TTN: variants seen among roughly 807,000 people sequenced by gnomAD.
TTN encodes the protein titin, also known as connectin.
A neutral mutation model predicts 3,223.0 loss-of-function variants in TTN; 1,525 were observed. The ratio of observed to expected loss-of-function variants is 0.47; its 90% CI spans 0.45 to 0.49. The LOEUF (loss-of-function observed/expected upper bound fraction) is 0.49, where lower values mean the gene tolerates loss of function less well. TTN is among the 20% of genes least tolerant of loss of function. The pLI is 0.00. For synonymous variants in TTN, 14,094 were observed against 15,161.0 expected (o/e 0.93, Z 5.17); for missense variants, 40,786 against 43,424.0 (o/e 0.94, Z 5.40).
In TTN at chr2:178,597,715, T is replaced by C. The variant is rs587782985; in HGVS notation, c.57367A>G (p.Thr19123Ala). The change falls in exon 294 of 363, where the codon ACC (threonine) becomes GCC (alanine). Residue 19123 changes from threonine to alanine, a missense_variant. By Grantham distance (58) the Thr-to-Ala change is moderately conservative. Coordinates refer to ENST00000589042, the MANE Select transcript of TTN (RefSeq NM_001267550.2). The stretch of plus-strand genomic sequence containing the variant: ...CTTTCATTCATGTTCCAGGTGACGG[T>C]TGGAGGAGGCTTTCCAGACACATAG... ...IAYVSGKPPP[T>A]VTWNMNERTL... 1.9e-5 allele frequency: 31 copies of C among 1,613,224 alleles called. 2 individuals are homozygous for C. Among genetic ancestry groups the C allele is most frequent in the Middle Eastern group, 1.6e-4 (1 of 6,080 alleles).
Position 178,733,254 on chromosome 2 carries a change from T to C in TTN, c.16039A>G (p.Thr5347Ala). ...AAATACTAACCTAATACAGTGAATGTAGTCTCACAGGAGCTGCTGCCCACT... is the reference window on the plus strand; with the variant it reads ...AAATACTAACCTAATACAGTGAATGCAGTCTCACAGGAGCTGCTGCCCACT... ...NEVGSSSCET[T>A]FTVLDRDIAP... Residue 5347 changes from threonine to alanine, a missense_variant, in exon 54 of 363, where the codon ACA becomes GCA. Transcript: ENST00000589042. The C allele has an allele frequency of 4.4e-6, 7 of 1,602,708 alleles. No individual in the cohort carries two copies. Among genetic ancestry groups the C allele is most frequent in the Non-Finnish European group, 6.0e-6 (7 of 1,173,974 alleles).
At chr2:178,714,690 C>A (rs1260206362) in intron 90 of TTN, 117 bp from the exon 91 acceptor site, 6 of 1,226,880 alleles carry the variant, frequency 4.9e-6, no homozygotes, top group African/African-American at 3.1e-5. Context: ...ATTTAAGAGG[C>A]ATTTTTGGTG....
chr2:178,802,366 TTA>T lies in TTN; in HGVS notation c.92-27_92-26del, dbSNP rs1166780931. ...CCTGAAGAGCAAGAACAATTCACCT[TTA>T]TGTTTGAATGGGCACCACAAAGTCC... On this transcript the variant is annotated intron_variant, in intron 2 of 362. Transcript: ENST00000589042. The T allele has an allele frequency of 3.7e-6, 6 of 1,604,516 alleles. No individual in the cohort carries two copies. The South Asian group carries it at 4.4e-5, about 12-fold the overall frequency.
chr2:178,542,790 A>C lies in TTN; in HGVS notation c.97064T>G (p.Val32355Gly). 1 of 1,613,780 alleles carries C rather than the reference A, an allele frequency of 6.2e-7. No homozygotes were observed. The highest frequency in any genetic ancestry group is 8.5e-7 in the Non-Finnish European group (1 of 1,179,774). The change falls in exon 348 of 363, where the codon GTT becomes GGT. Residue 32355 changes from valine (V) to glycine (G), a missense_variant. By Grantham distance (109) the Val-to-Gly change is moderately radical. Coordinates refer to ENST00000589042, the MANE Select transcript of TTN (RefSeq NM_001267550.2). Reference sequence around the variant, plus strand: ...TTTAGCTACTTTAGTGTGAGTTTCAACTGTGACACGCTCTGATTCTCTCAG... The same window carrying C: ...TTTAGCTACTTTAGTGTGAGTTTCACCTGTGACACGCTCTGATTCTCTCAG... The part of the protein sequence containing the change: ...SKLRESERVT[V>G]ETHTKVAKLT...
chr2:178,581,390 C>T, intron 316 of TTN, 109 bp downstream of exon 316: 1 of 900,688 alleles, frequency 1.1e-6, no homozygotes, highest in Non-Finnish European at 1.6e-6. Flanking sequence ...CTTGGAGTTA[C>T]CAGCTCTACA....
Position 178,608,358 on chromosome 2 carries a change from G to A in TTN, c.52525C>T (p.Arg17509Cys), listed in dbSNP as rs748170111. Residue 17509 changes from arginine to cysteine, a missense_variant, in exon 275 of 363, where the codon CGT becomes TGT. By Grantham distance (180) the Arg-to-Cys change is radical. Coordinates refer to ENST00000589042, the MANE Select transcript of TTN (RefSeq NM_001267550.2). ...GACCAATGTGTACTGTTAACTTCAC[G>A]TTTTTCAAGCCAGTAACCCAAAATG... The part of the protein sequence containing the change: ...SPILGYWLEK[R>C]EVNSTHWSRV... 5.0e-6 allele frequency: 8 copies of A among 1,611,628 alleles called. No homozygotes were observed. Among genetic ancestry groups the A allele is most frequent in the South Asian group, 3.3e-5 (3 of 90,900 alleles).
In TTN at chr2:178,598,852, A is replaced by G. The variant is rs749931527; in HGVS notation, c.56858T>C (p.Leu18953Pro). Residue 18953 changes from leucine (L) to proline (P), a missense_variant, in exon 291 of 363, where the codon CTT becomes CCT. Coordinates refer to ENST00000589042, the MANE Select transcript of TTN (RefSeq NM_001267550.2). ...GAATTGATAGTCGGAACCTTCAATA[A>G]GACCAGTCACTTTATAAGAAACACC... ...TLGVSYKVTG[L>P]IEGSDYQFRV... 1.2e-6 allele frequency: 2 copies of G among 1,613,356 alleles called. No individual in the cohort carries two copies. The highest frequency in any genetic ancestry group is 2.2e-5 in the East Asian group (1 of 44,762).
At position 178,774,359 on chromosome 2, in the gene TTN, T is replaced by A; in HGVS notation, c.6905A>T (p.Asn2302Ile). The change falls in exon 30 of 363, where the codon AAT (asparagine) becomes ATT (isoleucine). Residue 2302 changes from asparagine to isoleucine, a missense_variant. Physicochemically the swap from Asn to Ile is moderately radical, Grantham distance 149. Coordinates refer to ENST00000589042, the MANE Select transcript of TTN (RefSeq NM_001267550.2). ...PENIEGKWYH[N>I]DVELKSNGKY... Reference sequence around the variant, plus strand: ...GCCATTGGATTTAAGCTCCACATCATTATGATACCATTTTCCTTCTATATT... The same window carrying A: ...GCCATTGGATTTAAGCTCCACATCAATATGATACCATTTTCCTTCTATATT... 1 of 1,614,118 alleles carries A rather than the reference T, an allele frequency of 6.2e-7. No individual in the cohort carries two copies. Among genetic ancestry groups the A allele is most frequent in the Non-Finnish European group, 8.5e-7 (1 of 1,179,960 alleles).
chr2:178,712,175 C>T lies in TTN; in HGVS notation c.27655G>A (p.Gly9219Arg). 6.2e-7 allele frequency: 1 copy of T among 1,613,720 alleles called. No homozygotes were observed. The highest frequency in any genetic ancestry group is 8.5e-7 in the Non-Finnish European group (1 of 1,179,760). Residue 9219 changes from glycine (G) to arginine (R), a missense_variant, in exon 96 of 363, where the codon GGA (glycine) becomes AGA (arginine). Coordinates refer to ENST00000589042, the MANE Select transcript of TTN (RefSeq NM_001267550.2). Reference protein sequence around the residue: ...KQLEPVKVSVGDSASLQCQLA... With the variant: ...KQLEPVKVSVRDSASLQCQLA... ...TGGCATTGTAGAGAGGCAGAATCTC[C>T]AACAGACACCTTAACCGGCTCCAAC...
At position 178,537,346 on chromosome 2, in the gene TTN, T is replaced by C. The variant is rs758948672; in HGVS notation, c.99861A>G (p.Ile33287Met). The C allele has an allele frequency of 1.9e-6, 3 of 1,544,350 alleles. No homozygotes were observed. The highest frequency in any genetic ancestry group is 2.6e-6 in the Non-Finnish European group (3 of 1,148,434). ...GTVDAILDVE[I>M]QDKPDKPTGP... ...CTGAAAATAAAAATAAAATACCTTG[T>C]ATTTCCACATCAAGGATGGCATCAA... The change falls in exon 355 of 363, where the codon ATA becomes ATG. Residue 33287 changes from isoleucine (I) to methionine (M), a missense_variant. Physicochemically the swap from Ile to Met is conservative, Grantham distance 10. Transcript: ENST00000589042.
At chr2:178,796,026 GTAAA>G (rs1387664714) in intron 6 of TTN, among the ~76,000 whole-genome samples, 2 of 152,156 alleles carry the variant, frequency 1.3e-5, no homozygotes, top group African/African-American at 4.8e-5. Context: ...TGATTTTTGG[GTAAA>G]TTGATAAAGT....
In TTN at chr2:178,533,249, G is replaced by A. The variant is rs1203217522; in HGVS notation, c.103366C>T (p.Leu34456=). 1 of 1,613,946 alleles carries A rather than the reference G, an allele frequency of 6.2e-7. No individual in the cohort carries two copies. Among genetic ancestry groups the A allele is most frequent in the Admixed American group, 1.7e-5 (1 of 60,020 alleles). ...SCQAHLQVER[L]RYKKQEFKSK... is the part of the protein sequence containing the mutation. ...TTGAATTCCTGTTTCTTGTACCTCAGGCGTTCCACTTGTAGGTGAGCCTGG... is the reference window on the plus strand; with the variant it reads ...TTGAATTCCTGTTTCTTGTACCTCAAGCGTTCCACTTGTAGGTGAGCCTGG... The change falls in exon 358 of 363, where the codon CTG becomes TTG. Residue 34456 remains leucine, a synonymous_variant. Coordinates refer to ENST00000589042, the MANE Select transcript of TTN (RefSeq NM_001267550.2).
In TTN at chr2:178,804,543, T is replaced by C. The variant is rs2154360980; in HGVS notation, c.91+9A>G. The C allele has an allele frequency of 1.2e-6, 2 of 1,604,904 alleles. No homozygotes were observed. The highest frequency in any genetic ancestry group is 1.1e-5 in the South Asian group (1 of 90,728). On this transcript the variant is annotated intron_variant, in intron 2 of 362. Coordinates refer to ENST00000589042, the MANE Select transcript of TTN (RefSeq NM_001267550.2). ...AAAAAAAAACAAAAGTGTGAATGTG[T>C]GAGCTTACCACTAATGTGAGCCTCA...
chr2:178,684,308 C>T, intron 132 of TTN, 22 bp downstream of exon 132: 1 of 1,610,778 alleles, frequency 6.2e-7, no homozygotes, highest in Non-Finnish European at 8.5e-7. Context: ...CAATATTGTG[C>T]ATAATGGAAG....
In TTN at chr2:178,618,720, T is replaced by C; in HGVS notation, c.46830A>G (p.Thr15610=). Residue 15610 remains threonine (T), a synonymous_variant, in exon 251 of 363, where the codon ACA becomes ACG. Transcript: ENST00000589042. ...GTTCAGCCGTAGTATCAATGGTTTT[T>C]GTAGATAAAGGTTCATTTTCTTTAA... is the stretch of plus-strand genomic sequence containing the variant. ...EWFKENEPLS[T]KTIDTTAEQT... is the part of the protein sequence containing the mutation. 1 of 1,612,080 alleles carries C rather than the reference T, an allele frequency of 6.2e-7. No homozygotes were observed. The highest frequency in any genetic ancestry group is 8.5e-7 in the Non-Finnish European group (1 of 1,178,894).
chr2:178,741,741 A>G lies in TTN; in HGVS notation c.11492T>C (p.Ile3831Thr). 1 of 1,613,666 alleles carries G rather than the reference A, an allele frequency of 6.2e-7. No homozygotes were observed. The highest frequency in any genetic ancestry group is 8.5e-7 in the Non-Finnish European group (1 of 1,179,736). ...CAGTGTAGCCACATCCCCCATGCTT[A>G]TATCAGCATTTGACACTTCTTTGAT... Reference protein sequence around the residue: ...IFIKEVSNADISMGDVATLSV... With the variant: ...IFIKEVSNADTSMGDVATLSV... Residue 3831 changes from isoleucine (I) to threonine (T), a missense_variant, in exon 48 of 363, where the codon ATA (isoleucine) becomes ACA (threonine). Physicochemically the swap from Ile to Thr is moderately conservative, Grantham distance 89 (BLOSUM62 -1). Transcript: ENST00000589042.
intron 47 of TTN, chr2:178,750,150 A>G (rs1413586460): frequency 6.2e-7 from 1 of 1,613,114 alleles, no homozygotes. Context: ...TTAGTTTTTA[A>G]CAAATGAAGA....
intron 240 of TTN, among the ~76,000 whole-genome samples, chr2:178,627,339 A>G (rs1183733538): frequency 6.6e-6 from 1 of 151,952 alleles, no homozygotes; most frequent in Non-Finnish European, 1.5e-5. Flanking sequence ...TGGTTATTGT[A>G]GTTTTGAAGG....
chr2:178,545,600 T>C lies in TTN; in HGVS notation c.95510A>G (p.Asn31837Ser). Residue 31837 changes from asparagine to serine, a missense_variant, in exon 344 of 363, where the codon AAT becomes AGT. Asn to Ser is a conservative substitution (Grantham distance 46). Coordinates refer to ENST00000589042, the MANE Select transcript of TTN (RefSeq NM_001267550.2). Reference protein sequence around the residue: ...QWTKPESDGGNEISNYLVDKR... With the variant: ...QWTKPESDGGSEISNYLVDKR... ...GTCTACTAGGTAGTTGCTGATTTCA[T>C]TGCCACCATCAGATTCAGGTTTTGT... 1 of 1,613,808 alleles carries C rather than the reference T, an allele frequency of 6.2e-7. No homozygotes were observed. Among genetic ancestry groups the C allele is most frequent in the South Asian group, 1.1e-5 (1 of 91,078 alleles).
Sources: allele counts gnomAD v4.1 joint callset (sites outside exome capture counted in the v4.1 genomes callset), GRCh38; gene constraint gnomAD v4.1.1; transcripts MANE v1.5; gene names NCBI Gene and HGNC (gene_info 2026-07-23, HGNC 2026-07-21).